The following SCAF8 variants were observed in gnomAD, a reference collection of about 807,000 sequenced individuals.
SCAF8 encodes SR-related CTD associated factor 8, also known as SR-related and CTD-associated factor 8.
In SCAF8, 23 loss-of-function variants were observed where a neutral mutation model predicts 140.5. That is an observed-to-expected ratio of 0.16 (90% CI 0.12 to 0.23). SCAF8 has a LOEUF of 0.23. Ranked by LOEUF, SCAF8 falls within the 10% of genes least tolerant of loss-of-function variation. The pLI is 1.00. For missense variants in SCAF8, 1,397 were observed against 1,555.7 expected (o/e 0.90, Z 1.72); for synonymous variants, 575 against 528.9 (o/e 1.09, Z -1.20).
intron 6 of SCAF8, among the ~76,000 whole-genome samples, chr6:154,800,177 C>G (rs1025169300): frequency 6.6e-6 from 1 of 151,486 alleles, no homozygotes; most frequent in Non-Finnish European, 1.5e-5. Context: ...TTAGCACTTA[C>G]TACCTTCTGT....
chr6:154,756,232 C>T (rs1001841531), intron 1 of SCAF8, among the ~76,000 whole-genome samples: 6 of 152,068 alleles, frequency 3.9e-5, no homozygotes, highest in Non-Finnish European at 7.4e-5. Flanking sequence ...AAAGATGCTC[C>T]GTCACCAATA....
At chr6:154,768,706 C>T (rs1328948551) in intron 1 of SCAF8, among the ~76,000 whole-genome samples, 1 of 152,140 alleles carries the variant, frequency 6.6e-6, no homozygotes, top group Non-Finnish European at 1.5e-5. Flanking sequence ...TGCAGTTCCT[C>T]TGCATGTGTT....
At chr6:154,823,669 A>C (rs1778484527) in intron 16 of SCAF8, among the ~76,000 whole-genome samples, 1 of 152,342 alleles carries the variant, frequency 6.6e-6, no homozygotes, top group Non-Finnish European at 1.5e-5. Context: ...GGACGACTGG[A>C]AAATCAGTTG....
rs191464053 is a variant in SCAF8 at position 154,824,145 on chromosome 6, T to C, written c.1927-89T>C. On this transcript the variant is annotated intron_variant, in intron 16 of 19. Coordinates refer to ENST00000367178, the MANE Select transcript of SCAF8 (RefSeq NM_014892.5). ...TTTTTAGTAGTATTTGTTACCATCC[T>C]GAAAGAGAAATAGAATAATTTGCCT... 4.0e-4 allele frequency: 535 copies of C among 1,352,590 alleles called. 1 individual carries two copies. The African/African-American group carries it at 6.7e-3, about 17-fold the overall frequency. 83.8% of individuals were successfully genotyped at this position (1,352,590 alleles called of 1,614,324 possible).
chr6:154,828,800 C>T (rs946144442), intron 18 of SCAF8, among the ~76,000 whole-genome samples: 2 of 151,998 alleles, frequency 1.3e-5, no homozygotes, highest in African/African-American at 4.8e-5. Flanking sequence ...GCATTTTGAA[C>T]AGAAAAAAAT....
At chr6:154,784,696 T>G (rs1320144269) in intron 3 of SCAF8, among the ~76,000 whole-genome samples, 1 of 152,200 alleles carries the variant, frequency 6.6e-6, no homozygotes, top group East Asian at 1.9e-4. Context: ...ATGATGTCCG[T>G]AGGTTATATG....
At chr6:154,820,627 A>G (rs1253080791) in intron 15 of SCAF8, among the ~76,000 whole-genome samples, 2 of 152,170 alleles carry the variant, frequency 1.3e-5, no homozygotes. Flanking sequence ...TTGAAACTAA[A>G]TATTTCTAAT....
At chr6:154,739,677 T>A (rs1486913928) in intron 1 of SCAF8, among the ~76,000 whole-genome samples, 2 of 152,222 alleles carry the variant, frequency 1.3e-5, no homozygotes, top group East Asian at 3.8e-4. Context: ...TTGGATAGAT[T>A]AATCTTTAAA....
chr6:154,787,829 C>G (rs1352074790), intron 3 of SCAF8, 32 bp from the exon 4 acceptor site: 1 of 1,565,436 alleles, frequency 6.4e-7, no homozygotes, highest in African/African-American at 1.4e-5. Context: ...CTTTCCGTTT[C>G]CTTTCCTTTT....
At chr6:154,784,385 A>G (rs1370346029) in intron 3 of SCAF8, among the ~76,000 whole-genome samples, 1 of 151,982 alleles carries the variant, frequency 6.6e-6, no homozygotes, top group East Asian at 1.9e-4. Context: ...TTAAATTTAC[A>G]TTTCAAATAT....
intron 4 of SCAF8, among the ~76,000 whole-genome samples, chr6:154,789,660 C>T (rs567385358): frequency 6.6e-6 from 1 of 151,770 alleles, no homozygotes; most frequent in Non-Finnish European, 1.5e-5. Context: ...ATTCTCCTGC[C>T]TCAGCCTCCT....
intron 1 of SCAF8, among the ~76,000 whole-genome samples, chr6:154,743,453 C>T (rs1778622551): frequency 6.6e-6 from 1 of 152,152 alleles, no homozygotes; most frequent in South Asian, 2.1e-4. Context: ...GGAGACCAAA[C>T]CTTATGAATT....
chr6:154,759,959 G>A (rs371431169), intron 1 of SCAF8, among the ~76,000 whole-genome samples: 3 of 151,336 alleles, frequency 2.0e-5, no homozygotes, highest in Admixed American at 6.6e-5. Flanking sequence ...GTGAGCCACC[G>A]TGCCTGGCCA....
At chr6:154,767,421 C>T (rs1472931418) in intron 1 of SCAF8, among the ~76,000 whole-genome samples, 1 of 150,936 alleles carries the variant, frequency 6.6e-6, no homozygotes, top group Non-Finnish European at 1.5e-5. Context: ...TCTGCAAAAA[C>T]CTGTTCAGGG....
chr6:154,749,337 T>C (rs1166682342), intron 1 of SCAF8, among the ~76,000 whole-genome samples: 1 of 152,218 alleles, frequency 6.6e-6, no homozygotes, highest in Non-Finnish European at 1.5e-5. Flanking sequence ...TAATAGCCTA[T>C]GAAGGTTTTA....
At chr6:154,764,304 C>T (rs1480596572) in intron 1 of SCAF8, among the ~76,000 whole-genome samples, 2 of 142,104 alleles carry the variant, frequency 1.4e-5, no homozygotes, top group South Asian at 2.2e-4. Context: ...GACGGAGTCT[C>T]GCTCTGTTGT....
chr6:154,811,571 G>A (rs1248451428), intron 12 of SCAF8, among the ~76,000 whole-genome samples: 3 of 151,670 alleles, frequency 2.0e-5, no homozygotes, highest in African/African-American at 4.8e-5. Context: ...AAGTTCTAGG[G>A]TACTTGTGTA....
At position 154,756,238 on chromosome 6, in the gene SCAF8, C is replaced by T. The variant is rs192240238; in HGVS notation, c.31-17751C>T. ...GAGAATAACAAAGATGCTCCGTCACCAATAGTTAAGTTTAATACATATATT... is the reference window on the plus strand; with the variant it reads ...GAGAATAACAAAGATGCTCCGTCACTAATAGTTAAGTTTAATACATATATT... On this transcript the variant is annotated intron_variant, in intron 1 of 19. Coordinates refer to ENST00000367178, the MANE Select transcript of SCAF8 (RefSeq NM_014892.5). Among the ~76,000 whole-genome samples, 741 of 152,130 alleles carry T rather than the reference C, an allele frequency of 4.9e-3. 8 individuals carry two copies. The highest frequency in any genetic ancestry group is 0.017 in the African/African-American group (709 of 41,494).
intron 6 of SCAF8, 115 bp from the exon 7 acceptor site, chr6:154,801,856 A>AT: frequency 3.1e-6 from 2 of 651,196 alleles, no homozygotes; most frequent in Admixed American, 2.7e-5. Context: ...AATAGTGTGT[A>AT]TTTTTTTCAA....
Sources: allele counts gnomAD v4.1 joint callset (sites outside exome capture counted in the v4.1 genomes callset), GRCh38; gene constraint gnomAD v4.1.1; transcripts MANE v1.5; gene names NCBI Gene and HGNC (gene_info 2026-07-23, HGNC 2026-07-21).